GRM8: variants seen among roughly 807,000 people sequenced by gnomAD.
The protein encoded by GRM8 is glutamate metabotropic receptor 8.
GRM8 carries 47 observed loss-of-function variants against 87.2 expected under a neutral mutation model. The ratio of observed to expected loss-of-function variants is 0.54; its 90% CI spans 0.43 to 0.69. The LOEUF (loss-of-function observed/expected upper bound fraction) is 0.69, where lower values mean the gene tolerates loss of function less well. Among genes scored for constraint, GRM8 ranks in the 30% least tolerant of loss-of-function variants. The probability of loss-of-function intolerance (pLI) is 0.00; values close to 1 mark genes in which losing one functional copy is unlikely to be tolerated. For synonymous variants in GRM8, 396 were observed against 404.5 expected (o/e 0.98, Z 0.25); for missense variants, 1,019 against 1,139.2 (o/e 0.89, Z 1.52).
intron 7 of GRM8, among the ~76,000 whole-genome samples, chr7:126,760,296 G>A (rs1817462291): frequency 6.6e-6 from 1 of 152,160 alleles, no homozygotes; most frequent in African/African-American, 2.4e-5. Flanking sequence ...GGAAGAGCTA[G>A]AGTAAAAACT....
chr7:126,569,957 C>T (rs1041741814), intron 8 of GRM8, among the ~76,000 whole-genome samples: 1 of 152,076 alleles, frequency 6.6e-6, no homozygotes, highest in African/African-American at 2.4e-5. Context: ...CAACTTATCC[C>T]CATAAGATGT....
chr7:126,913,433 C>T (rs1476419090), intron 3 of GRM8, among the ~76,000 whole-genome samples: 1 of 152,294 alleles, frequency 6.6e-6, no homozygotes, highest in Admixed American at 6.5e-5. Context: ...ATTAGACTTA[C>T]AGTTTGACCA....
intron 2 of GRM8, among the ~76,000 whole-genome samples, chr7:127,153,194 T>C (rs2116124265): frequency 6.6e-6 from 1 of 152,242 alleles, no homozygotes; most frequent in Admixed American, 6.5e-5. Flanking sequence ...TTTTTATTTA[T>C]AGTCCACAGG....
chr7:126,914,910 A>T (rs978847413), intron 3 of GRM8, among the ~76,000 whole-genome samples: 1 of 152,120 alleles, frequency 6.6e-6, no homozygotes, highest in Non-Finnish European at 1.5e-5. Flanking sequence ...TACCCCCCCA[A>T]TCTAAAATAA....
chr7:127,243,283 A>G lies in GRM8; in HGVS notation c.-79T>C, dbSNP rs2116883827. 7.5e-7 allele frequency: 1 copy of G among 1,326,424 alleles called. No individual in the cohort carries two copies. Among genetic ancestry groups the G allele is most frequent in the South Asian group, 1.4e-5 (1 of 72,822 alleles). 82.2% of individuals were successfully genotyped at this position (1,326,424 alleles called of 1,614,324 possible). A position where few individuals can be genotyped will look rare whatever the true frequency, so the allele number is the denominator to read the frequency against. ...AAGAAAGGGCACCACCTGAGGCTGC[A>G]CCTTCTGGAGGCTACCATCAGGGCC... On this transcript the variant is annotated 5_prime_UTR_variant, in exon 2 of 11. Transcript: ENST00000339582.
chr7:127,043,266 T>A (rs1257869133), intron 3 of GRM8, among the ~76,000 whole-genome samples: 1 of 152,218 alleles, frequency 6.6e-6, no homozygotes, highest in Admixed American at 6.5e-5. Context: ...CATTACTGGG[T>A]ATATACCCAA....
At chr7:127,015,584 T>C (rs1477091102) in intron 3 of GRM8, among the ~76,000 whole-genome samples, 1 of 152,148 alleles carries the variant, frequency 6.6e-6, no homozygotes, top group Non-Finnish European at 1.5e-5. Flanking sequence ...GCATGATTTG[T>C]ACTTTCACTG....
intron 2 of GRM8, among the ~76,000 whole-genome samples, chr7:127,230,123 G>A (rs1203560590): frequency 6.6e-6 from 1 of 152,010 alleles, no homozygotes; most frequent in East Asian, 1.9e-4. Context: ...AAATTCAACA[G>A]CAATTCACCC....
At chr7:127,139,662 G>T (rs1828149487) in intron 2 of GRM8, among the ~76,000 whole-genome samples, 1 of 151,982 alleles carries the variant, frequency 6.6e-6, no homozygotes, top group African/African-American at 2.4e-5. Flanking sequence ...ACATCATTAC[G>T]ATTGTTTTCC....
intron 6 of GRM8, among the ~76,000 whole-genome samples, chr7:126,830,421 TA>T (rs1267022958): frequency 1.3e-5 from 2 of 152,192 alleles, no homozygotes; most frequent in African/African-American, 4.8e-5. Context: ...ATTTTTTCTC[TA>T]AACTTCCCTT....
chr7:126,766,752 T>C (rs916291724), intron 7 of GRM8, among the ~76,000 whole-genome samples: 11 of 152,136 alleles, frequency 7.2e-5, no homozygotes, highest in Non-Finnish European at 1.6e-4. Flanking sequence ...GCAAACCTTG[T>C]TTTGGCCAAT....
intron 9 of GRM8, among the ~76,000 whole-genome samples, chr7:126,528,067 G>A (rs1814165659): frequency 6.6e-6 from 1 of 152,142 alleles, no homozygotes. Flanking sequence ...AGCTGGGAGT[G>A]GTGGCGTGTG....
At chr7:126,643,497 T>A (rs12667751) in intron 7 of GRM8, among the ~76,000 whole-genome samples, 46,571 of 150,828 alleles carry the variant, frequency 0.31, 8,094 homozygotes, top group East Asian at 0.43. Context: ...TATGTGTGTA[T>A]ATGTCCATGT....
chr7:126,941,442 C>CT (rs1554540101), intron 3 of GRM8, among the ~76,000 whole-genome samples: 1 of 88,660 alleles, frequency 1.1e-5, no homozygotes, highest in Non-Finnish European at 2.4e-5. Context: ...CCCATCTCTA[C>CT]TAAAAAAAAA....
chr7:126,550,710 T>C (rs1348635848), intron 8 of GRM8, among the ~76,000 whole-genome samples: 17 of 152,074 alleles, frequency 1.1e-4, no homozygotes, highest in Admixed American at 1.1e-3. Context: ...AATGTTTTAT[T>C]TTAAAATAGA....
intron 9 of GRM8, among the ~76,000 whole-genome samples, chr7:126,531,376 G>C (rs78977501): frequency 2.0e-5 from 3 of 152,104 alleles, no homozygotes; most frequent in Non-Finnish European, 4.4e-5. Flanking sequence ...CTTAGATTTA[G>C]TTTGATTTCA....
intron 2 of GRM8, among the ~76,000 whole-genome samples, chr7:127,115,524 T>C (rs983661756): frequency 1.3e-5 from 2 of 152,222 alleles, no homozygotes; most frequent in African/African-American, 2.4e-5. Context: ...AGAAATGTAA[T>C]GATTTTAATC....
rs28951997 is a variant in GRM8, at chr7:127,124,878, G to A, written c.511-18166C>T. Among the ~76,000 whole-genome samples, 91 of 151,734 alleles carry A rather than the reference G, an allele frequency of 6.0e-4. 2 individuals are homozygous for A. In the East Asian group the frequency reaches 0.016, roughly 27 times the overall value. Reference sequence around the variant, plus strand: ...AATGTAATCAATTCACCATATTAACGGTATAAATACAAAACCATAATTGGT... The same window carrying A: ...AATGTAATCAATTCACCATATTAACAGTATAAATACAAAACCATAATTGGT... On this transcript the variant is annotated intron_variant, in intron 2 of 10. Transcript: ENST00000339582.
intron 8 of GRM8, among the ~76,000 whole-genome samples, chr7:126,578,062 G>A (rs1795268562): frequency 6.6e-6 from 1 of 152,144 alleles, no homozygotes; most frequent in East Asian, 1.9e-4. Context: ...CTGATTATGG[G>A]CAGCAAAGAT....
Sources: gnomAD v4.1 joint callset for allele counts (sites outside exome capture counted in the v4.1 genomes callset) on GRCh38, gnomAD v4.1.1 for gene constraint, MANE v1.5 for transcripts, NCBI Gene and HGNC (gene_info 2026-07-23, HGNC 2026-07-21) for gene names.